The following BEX2 variants were observed in gnomAD, a reference collection of about 807,000 sequenced individuals.
BEX2 encodes brain expressed X-linked 2.
A neutral mutation model predicts 4.1 loss-of-function variants in BEX2; 2 were observed. That is an observed-to-expected ratio of 0.49 (90% CI 0.20 to 1.53). The LOEUF (loss-of-function observed/expected upper bound fraction) is 1.53. Among genes scored for constraint, BEX2 ranks in the 40% most tolerant of loss-of-function variants. The pLI is 0.23. For missense variants in BEX2, 94 were observed against 99.9 expected, an observed-to-expected ratio of 0.94 and a Z score of 0.25; for synonymous variants, 34 against 35.9, an observed-to-expected ratio of 0.95 and a Z score of 0.19.
rs1036595448 is a variant in BEX2, at chrX:103,310,541, G to T, written c.-81-108C>A. ...ACGCCGGGCCCGGGCCCTCCTAGCC[G>T]CTCTCGCCCCCCGCCTCAGCCGCCC... On this transcript the variant is annotated intron_variant, in intron 1 of 2. Transcript: ENST00000372677. 7 of 1,147,536 alleles carry T rather than the reference G, an allele frequency of 6.1e-6. No individual in the cohort carries two copies. The African/African-American group carries it at 9.0e-5, about 15-fold the overall frequency. 94.6% of individuals were successfully genotyped at this position (1,147,536 alleles called of 1,213,427 possible).
rs1463614152 is a variant in BEX2 at position 103,310,357 on chromosome X, C to A, written c.-6+1G>T. 1 of 1,156,010 alleles carries A rather than the reference C, an allele frequency of 8.7e-7. No individual in the cohort carries two copies. The highest frequency in any genetic ancestry group is 1.8e-5 in the African/African-American group (1 of 56,438). On this transcript the variant is annotated splice_donor_variant, in intron 2 of 2. Coordinates refer to ENST00000372677, the MANE Select transcript of BEX2 (RefSeq NM_032621.4). LOFTEE classifies it low-confidence loss of function (5UTR_SPLICE). ...TCCCCACCACCGTCCCTCGCACTGA[C>A]CTGGGCCTATCCTTGCAGTCTCCTC... is the stretch of plus-strand genomic sequence containing the variant.
Position 103,309,995 on chromosome X carries a change from A to G in BEX2, c.-5-14T>C. On this transcript the variant is annotated splice_polypyrimidine_tract_variant and intron_variant, in intron 2 of 2. Transcript: ENST00000372677. The stretch of plus-strand genomic sequence containing the variant: ...ACTCCATTACTCCTAGGAGACAGAG[A>G]GAAAATGGACTCAATTCTTGGTGAA... 1 of 1,187,057 alleles carries G rather than the reference A, an allele frequency of 8.4e-7. No individual in the cohort carries two copies. The highest frequency in any genetic ancestry group is 1.9e-5 in the South Asian group (1 of 51,931).
chrX:103,310,866 C>T lies in BEX2; in HGVS notation c.-88G>A. On this transcript the variant is annotated 5_prime_UTR_variant, in exon 1 of 3. Transcript: ENST00000372677. ...CCCCCTCCGGGTCCCTTACCTGCTCCCCCTCCGCTTCCTACTTTCGGGGCC... is the reference window on the plus strand; with the variant it reads ...CCCCCTCCGGGTCCCTTACCTGCTCTCCCTCCGCTTCCTACTTTCGGGGCC... The T allele has an allele frequency of 3.0e-6, 1 of 330,894 alleles. No individual in the cohort carries two copies. The highest frequency in any genetic ancestry group is 5.1e-6 in the Non-Finnish European group (1 of 195,212). The allele number at this position is 330,894 out of a possible 1,213,427, so 27.3% of individuals were successfully genotyped here.
chrX:103,310,765 G>C, intron 1 of BEX2, 95 bp downstream of exon 1: 3 of 554,741 alleles, frequency 5.4e-6, no homozygotes, highest in Non-Finnish European at 5.4e-6. Flanking sequence ...ATCGTGGACC[G>C]GCTGCGTCTC....
intron 1 of BEX2, 32 bp from the exon 2 acceptor site, chrX:103,310,465 C>T: frequency 8.7e-7 from 1 of 1,154,615 alleles, no homozygotes. Context: ...AGAGTGGGGG[C>T]TGCTGCAGCG....
intron 1 of BEX2, chrX:103,310,643 G>A (rs1271972345): frequency 2.6e-6 from 3 of 1,148,107 alleles, no homozygotes; most frequent in East Asian, 3.3e-5. Flanking sequence ...CGCTGGTGAC[G>A]GAGGCAGGTG....
rs1926156133 is a variant in BEX2, at chrX:103,310,347, C to T, written c.-6+11G>A. ...TCTGACCCCCTCCCCACCACCGTCC[C>T]TCGCACTGACCTGGGCCTATCCTTG... On this transcript the variant is annotated intron_variant, in intron 2 of 2. Transcript: ENST00000372677. The T allele has an allele frequency of 8.7e-7, 1 of 1,154,205 alleles. No homozygotes were observed. Among genetic ancestry groups the T allele is most frequent in the East Asian group, 3.3e-5 (1 of 30,674 alleles).
chrX:103,310,416 A>C lies in BEX2; in HGVS notation c.-64T>G. The C allele has an allele frequency of 8.6e-7, 1 of 1,156,618 alleles. No individual in the cohort carries two copies. The highest frequency in any genetic ancestry group is 1.1e-6 in the Non-Finnish European group (1 of 872,923). ...TCTCGACGTGAGGTGCGTCGCCGCA[A>C]CACTTGGCCCCGCAAACCTGCAGAC... On this transcript the variant is annotated 5_prime_UTR_variant, in exon 2 of 3. Coordinates refer to ENST00000372677, the MANE Select transcript of BEX2 (RefSeq NM_032621.4).
intron 1 of BEX2, 107 bp downstream of exon 1, chrX:103,310,753 G>A: frequency 1.6e-6 from 1 of 632,974 alleles, no homozygotes; most frequent in Non-Finnish European, 2.3e-6. Flanking sequence ...CCCCGGGGCT[G>A]CATCGTGGAC....
At position 103,309,395 on chromosome X, in the gene BEX2, T is replaced by C; in HGVS notation, c.*195A>G. The C allele has an allele frequency of 1.9e-6, 1 of 532,262 alleles. No individual in the cohort carries two copies. Among genetic ancestry groups the C allele is most frequent in the Non-Finnish European group, 2.9e-6 (1 of 344,773 alleles). 43.9% of individuals were successfully genotyped at this position (532,262 alleles called of 1,213,427 possible). A position where few individuals can be genotyped will look rare whatever the true frequency, so the allele number is the denominator to read the frequency against. On this transcript the variant is annotated 3_prime_UTR_variant, in exon 3 of 3. Transcript: ENST00000372677. ...CTTCACAATATATAATGAGCATCTTTCCATGCAATAGGTAAAACTCTCCTG... is the reference window on the plus strand; with the variant it reads ...CTTCACAATATATAATGAGCATCTTCCCATGCAATAGGTAAAACTCTCCTG...
intron 2 of BEX2, 134 bp downstream of exon 2, chrX:103,310,224 G>T: frequency 1.3e-6 from 1 of 786,067 alleles, no homozygotes; most frequent in East Asian, 3.5e-5. Context: ...GCCTCTGCAG[G>T]CACCAAAATG....
In BEX2 at chrX:103,309,552, A is replaced by AG; in HGVS notation, c.*37dup. On this transcript the variant is annotated 3_prime_UTR_variant, in exon 3 of 3. Transcript: ENST00000372677. Reference sequence around the variant, plus strand: ...CCACAAATGTGTAAGTTTAGGAAGCAGGGGTCTCCCTATTAACTTCAGGGA... The same window carrying AG: ...CCACAAATGTGTAAGTTTAGGAAGCAGGGGGTCTCCCTATTAACTTCAGGGA... 8.3e-7 allele frequency: 1 copy of AG among 1,198,325 alleles called. No homozygotes were observed. The highest frequency in any genetic ancestry group is 1.1e-6 in the Non-Finnish European group (1 of 887,525).
intron 1 of BEX2, 68 bp downstream of exon 1, chrX:103,310,792 G>A (rs898088701): frequency 4.3e-5 from 20 of 463,331 alleles, no homozygotes; most frequent in African/African-American, 1.3e-4. Flanking sequence ...GCTGCCCGGG[G>A]ATGGGGCATC....
chrX:103,310,660 A>G, intron 1 of BEX2, 200 bp downstream of exon 1: 1 of 1,130,282 alleles, frequency 8.8e-7, no homozygotes, highest in East Asian at 3.3e-5. Flanking sequence ...GGTGCTTCCG[A>G]AAGGTCGTAG....
rs1285574089 is a variant in BEX2 at position 103,309,661 on chromosome X, G to C, written c.316C>G (p.His106Asp). The change falls in exon 3 of 3, where the codon CAT becomes GAT. Residue 106 changes from histidine to aspartate, a missense_variant. Coordinates refer to ENST00000372677, the MANE Select transcript of BEX2 (RefSeq NM_032621.4). ...MEKLREKQLSHSLRAVSTDPP... is the reference protein window; with the variant it reads ...MEKLREKQLSDSLRAVSTDPP... The stretch of plus-strand genomic sequence containing the variant: ...TCAGTGCTGACTGCCCGCAAACTAT[G>C]ACTCAACTGCTTTTCCCTCAGCTTT... 6.6e-6 allele frequency: 8 copies of C among 1,211,200 alleles called. No individual in the cohort carries two copies. Among genetic ancestry groups the C allele is most frequent in the Non-Finnish European group, 8.9e-6 (8 of 895,409 alleles).
chrX:103,310,747 G>A (rs931664144), intron 1 of BEX2, 113 bp downstream of exon 1: 4 of 671,888 alleles, frequency 6.0e-6, no homozygotes, highest in Middle Eastern at 4.1e-4. Context: ...GCGGGGCCCC[G>A]GGGCTGCATC....
At position 103,309,652 on chromosome X, in the gene BEX2, G is replaced by A. The variant is rs990462050; in HGVS notation, c.325C>T (p.Arg109Trp). 4.6e-5 allele frequency: 55 copies of A among 1,208,226 alleles called. No homozygotes were observed. Among genetic ancestry groups the A allele is most frequent in the South Asian group, 1.2e-4 (7 of 56,659 alleles). Residue 109 changes from arginine to tryptophan, a missense_variant, in exon 3 of 3, where the codon CGG becomes TGG. By Grantham distance (101) the Arg-to-Trp change is moderately radical. Coordinates refer to ENST00000372677, the MANE Select transcript of BEX2 (RefSeq NM_032621.4). ...LREKQLSHSL[R>W]AVSTDPPHHD... ...TGAGGGGGATCAGTGCTGACTGCCC[G>A]CAAACTATGACTCAACTGCTTTTCC...
chrX:103,309,688 C>G lies in BEX2; in HGVS notation c.289G>C (p.Glu97Gln). The part of the protein sequence containing the change: ...RIGEEVRQLM[E>Q]KLREKQLSHS... ...CTCAACTGCTTTTCCCTCAGCTTTTCCATCAGCTGTCTCACCTCCTCCCCA... is the reference window on the plus strand; with the variant it reads ...CTCAACTGCTTTTCCCTCAGCTTTTGCATCAGCTGTCTCACCTCCTCCCCA... The change falls in exon 3 of 3, where the codon GAA becomes CAA. Residue 97 changes from glutamate (E) to glutamine (Q), a missense_variant. Glu to Gln is a conservative substitution (Grantham distance 29). Coordinates refer to ENST00000372677, the MANE Select transcript of BEX2 (RefSeq NM_032621.4). 8.3e-7 allele frequency: 1 copy of G among 1,211,436 alleles called. No individual in the cohort carries two copies. The highest frequency in any genetic ancestry group is 1.1e-6 in the Non-Finnish European group (1 of 895,435).
chrX:103,310,007 C>T (rs1434656525), intron 2 of BEX2, 26 bp from the exon 3 acceptor site: 3 of 1,178,886 alleles, frequency 2.5e-6, no homozygotes, highest in Admixed American at 2.3e-5. Flanking sequence ...AAAATGGACT[C>T]AATTCTTGGT....
Sources: allele counts gnomAD v4.1 joint callset, GRCh38; gene constraint gnomAD v4.1.1; transcripts MANE v1.5; gene names NCBI Gene and HGNC (gene_info 2026-07-23, HGNC 2026-07-21).